Variants in NAALADL2 observed in about 807,000 individuals in gnomAD.
NAALADL2 encodes the protein N-acetylated alpha-linked acidic dipeptidase like 2, also known as inactive N-acetylated-alpha-linked acidic dipeptidase-like protein 2.
Under a neutral mutation model 87.2 loss-of-function variants are expected in NAALADL2, and 76 were observed. The observed-to-expected ratio is 0.87, with a 90% CI of 0.72 to 1.05. The LOEUF (loss-of-function observed/expected upper bound fraction) is 1.05, where lower values mean the gene tolerates loss of function less well. Ranked by LOEUF, NAALADL2 falls within the 50% of genes least tolerant of loss-of-function variation. NAALADL2 has a pLI of 0.00. For synonymous variants in NAALADL2, 354 were observed against 331.0 expected, an observed-to-expected ratio of 1.07 and a Z score of -0.75; for missense variants, 1,089 against 945.8, an observed-to-expected ratio of 1.15 and a Z score of -1.99.
Position 175,466,902 on chromosome 3 carries a change from G to T in NAALADL2, c.1328-77G>T, listed in dbSNP as rs999808199. ...TTAATTATTGCTCAGTTGTGCAATA[G>T]AATTATGTAAATGTCATTAAATTTA... is the stretch of plus-strand genomic sequence containing the variant. On this transcript the variant is annotated intron_variant, in intron 7 of 13. Coordinates refer to ENST00000454872, the MANE Select transcript of NAALADL2 (RefSeq NM_207015.3). The T allele has an allele frequency of 4.1e-6, 5 of 1,221,636 alleles. No individual in the cohort carries two copies. In the African/African-American group the frequency reaches 7.5e-5, roughly 18 times the overall value. The allele number at this position is 1,221,636 out of a possible 1,614,324, so 75.7% of individuals were successfully genotyped here.
chr3:174,568,431 T>A (rs1714546864), intron 2 of NAALADL2, among the ~76,000 whole-genome samples: 1 of 151,790 alleles, frequency 6.6e-6, no homozygotes, highest in Non-Finnish European at 1.5e-5. Flanking sequence ...GAAATATGGT[T>A]CCTGTCCTGA....
chr3:174,710,479 C>A (rs1288109502), intron 2 of NAALADL2, among the ~76,000 whole-genome samples: 8 of 152,086 alleles, frequency 5.3e-5, no homozygotes, highest in Admixed American at 2.6e-4. Flanking sequence ...GCCTTGAACT[C>A]CAGACCTCAG....
chr3:175,032,322 T>A (rs1024891846), intron 1 of NAALADL2, among the ~76,000 whole-genome samples: 1 of 152,076 alleles, frequency 6.6e-6, no homozygotes, highest in Admixed American at 6.6e-5. Flanking sequence ...TCTCAAAAAA[T>A]TAGCATTTTT....
chr3:174,448,472 A>G (rs1715226572), intron 1 of NAALADL2, among the ~76,000 whole-genome samples: 1 of 152,218 alleles, frequency 6.6e-6, no homozygotes, highest in African/African-American at 2.4e-5. Context: ...GTTTTTATGC[A>G]AATGGTAGAT....
chr3:174,817,450 C>CA (rs1203980421), intron 3 of NAALADL2, among the ~76,000 whole-genome samples: 5 of 151,840 alleles, frequency 3.3e-5, no homozygotes, highest in Non-Finnish European at 5.9e-5. Flanking sequence ...AAAAATTTAC[C>CA]AATTAGACAG....
At chr3:174,456,355 T>C (rs1236242164) in intron 1 of NAALADL2, among the ~76,000 whole-genome samples, 3 of 145,512 alleles carry the variant, frequency 2.1e-5, no homozygotes, top group Admixed American at 7.1e-5. Context: ...ACTAGAAAAC[T>C]GTTTTAAAAT....
chr3:174,713,008 G>C (rs60630386), intron 2 of NAALADL2, among the ~76,000 whole-genome samples: 36,786 of 151,166 alleles, frequency 0.24, 4,605 homozygotes, highest in East Asian at 0.42. Flanking sequence ...CTGTGTGCAA[G>C]TGTTCTCATT....
At chr3:175,400,679 G>T (rs912091923) in intron 5 of NAALADL2, among the ~76,000 whole-genome samples, 1 of 152,060 alleles carries the variant, frequency 6.6e-6, no homozygotes, top group Non-Finnish European at 1.5e-5. Flanking sequence ...CTTAAAATAG[G>T]TTTAAAGAAA....
chr3:174,962,974 C>T (rs1057053497), intron 1 of NAALADL2, among the ~76,000 whole-genome samples: 3 of 152,000 alleles, frequency 2.0e-5, no homozygotes, highest in African/African-American at 4.8e-5. Context: ...AGTGTAAATG[C>T]TATGTAAATA....
At chr3:175,158,113 G>C (rs1258629299) in intron 2 of NAALADL2, among the ~76,000 whole-genome samples, 1 of 151,930 alleles carries the variant, frequency 6.6e-6, no homozygotes, top group Non-Finnish European at 1.5e-5. Flanking sequence ...CCAGAATCTA[G>C]GTAGAATCAT....
At chr3:174,830,495 A>AT (rs1363510343) in intron 3 of NAALADL2, among the ~76,000 whole-genome samples, 1 of 151,832 alleles carries the variant, frequency 6.6e-6, no homozygotes, top group African/African-American at 2.4e-5. Flanking sequence ...TACCAGTACC[A>AT]TGCTGTTTTG....
intron 1 of NAALADL2, among the ~76,000 whole-genome samples, chr3:174,921,820 AAGAAAAAG>A (rs1266088163): frequency 9.8e-5 from 8 of 81,482 alleles, no homozygotes; most frequent in African/African-American, 3.8e-4. Context: ...AAAAAAAAAA[AAGAAAAAG>A]AAAAAGAAAA....
intron 4 of NAALADL2, among the ~76,000 whole-genome samples, chr3:175,313,725 A>G (rs1265871599): frequency 1.3e-5 from 2 of 152,148 alleles, no homozygotes; most frequent in African/African-American, 4.8e-5. Flanking sequence ...TGTTTTGGTT[A>G]AAAGTAACAA....
chr3:175,364,004 A>G lies in NAALADL2; in HGVS notation c.1090+39679A>G, dbSNP rs563666292. Among the ~76,000 whole-genome samples the G allele has an allele frequency of 1.3e-4, 19 of 148,436 alleles. 3 individuals are homozygous for G. In the South Asian group the frequency reaches 3.7e-3, roughly 29 times the overall value. ...ACAAATGCATTTTCATCATCATTTC[A>G]TTAGGATTTGAAGCAGTTATAGTTG... On this transcript the variant is annotated intron_variant, in intron 5 of 13. Coordinates refer to ENST00000454872, the MANE Select transcript of NAALADL2 (RefSeq NM_207015.3).
intron 2 of NAALADL2, among the ~76,000 whole-genome samples, chr3:175,219,444 A>G (rs1743012057): frequency 6.6e-6 from 1 of 152,144 alleles, no homozygotes; most frequent in East Asian, 1.9e-4. Flanking sequence ...CTTTCATTAC[A>G]TATATTTAAT....
chr3:174,838,552 C>T (rs901702575), intron 3 of NAALADL2, among the ~76,000 whole-genome samples: 1 of 152,168 alleles, frequency 6.6e-6, no homozygotes, highest in Non-Finnish European at 1.5e-5. Context: ...GGAAGTCAAA[C>T]TGTCGCTGTC....
At chr3:175,172,843 A>G (rs937370158) in intron 2 of NAALADL2, among the ~76,000 whole-genome samples, 1 of 152,150 alleles carries the variant, frequency 6.6e-6, no homozygotes. Flanking sequence ...GAACTTTAAT[A>G]CTATTTGTTT....
At chr3:175,278,687 C>T (rs1280515207) in intron 4 of NAALADL2, among the ~76,000 whole-genome samples, 2 of 152,104 alleles carry the variant, frequency 1.3e-5, no homozygotes, top group Admixed American at 6.5e-5. Context: ...GCATTCCTTT[C>T]CACAAACCTA....
chr3:175,682,496 T>C (rs1226913529), intron 11 of NAALADL2, among the ~76,000 whole-genome samples: 1 of 151,908 alleles, frequency 6.6e-6, no homozygotes, highest in Non-Finnish European at 1.5e-5. Flanking sequence ...ATAATAAATA[T>C]GAAAGAGCAG....
Sources: gnomAD v4.1 joint callset for allele counts (sites outside exome capture counted in the v4.1 genomes callset) on GRCh38, gnomAD v4.1.1 for gene constraint, MANE v1.5 for transcripts, NCBI Gene and HGNC (gene_info 2026-07-23, HGNC 2026-07-21) for gene names.